The following ANKRD36 variants were observed in gnomAD, a reference collection of about 807,000 sequenced individuals.
The protein encoded by ANKRD36 is ankyrin repeat domain 36.
ANKRD36 carries 179 observed loss-of-function variants against 278.1 expected under a neutral mutation model. The ratio of observed to expected loss-of-function variants is 0.64; its 90% CI spans 0.57 to 0.73. The LOEUF is 0.73. Ranked by LOEUF, ANKRD36 falls within the 30% of genes least tolerant of loss-of-function variation. The pLI, the probability that ANKRD36 is intolerant of heterozygous loss-of-function variation, is 0.00. For missense variants in ANKRD36, 1,159 were observed against 1,956.7 expected (o/e 0.59, Z 7.69); for synonymous variants, 320 against 641.1 (o/e 0.50, Z 7.57).
chr2:97,120,866 C>G (rs979264979), intron 3 of ANKRD36, among the ~76,000 whole-genome samples: 1 of 152,066 alleles, frequency 6.6e-6, no homozygotes, highest in African/African-American at 2.4e-5. Context: ...TTAGGAGACT[C>G]GTGCACAGAT....
Position 97,233,793 on chromosome 2 carries a change from T to G in ANKRD36, c.4015T>G (p.Ser1339Ala), listed in dbSNP as rs1159083939. Reference protein sequence around the residue: ...DDIIQSSQTVSEDGDSLCCNC... With the variant: ...DDIIQSSQTVAEDGDSLCCNC... ...CATAATTCAGTCATCTCAAACAGTC[T>G]CAGAGGACGGTGACTCGCTTTGCTG... Residue 1339 changes from serine (S) to alanine (A), a missense_variant, in exon 68 of 76, where the codon TCA becomes GCA. Ser to Ala is a moderately conservative substitution (Grantham distance 99). Transcript: ENST00000420699. The G allele has an allele frequency of 6.7e-7, 1 of 1,487,010 alleles. No homozygotes were observed. The allele number at this position is 1,487,010 out of a possible 1,614,324, so 92.1% of individuals were successfully genotyped here. A position where few individuals can be genotyped will look rare whatever the true frequency, so the allele number is the denominator to read the frequency against.
chr2:97,150,236 A>T (rs1041457399), intron 12 of ANKRD36, among the ~76,000 whole-genome samples: 1 of 151,896 alleles, frequency 6.6e-6, no homozygotes, highest in Non-Finnish European at 1.5e-5. Flanking sequence ...TTTTATGGTC[A>T]GACTTTAATT....
At chr2:97,211,814 G>A (rs2064721535) in intron 58 of ANKRD36, 73 bp downstream of exon 58, 2 of 1,473,430 alleles carry the variant, frequency 1.4e-6, no homozygotes, top group Non-Finnish European at 1.8e-6. Context: ...AAATAAAACA[G>A]CGGGGGGTTC....
chr2:97,113,845 A>C lies in ANKRD36; in HGVS notation c.106A>C (p.Ile36Leu). Reference sequence around the variant, plus strand: ...CATTAAACCGTATCATCTGAAGAGGATCCACAGAGCTGTCTTACATGGTAA... The same window carrying C: ...CATTAAACCGTATCATCTGAAGAGGCTCCACAGAGCTGTCTTACATGGTAA... ...YPIKPYHLKR[I>L]HRAVLHGNLE... is the part of the protein sequence containing the mutation. Residue 36 changes from isoleucine to leucine, a missense_variant, in exon 1 of 76, where the codon ATC becomes CTC. By Grantham distance (5) the Ile-to-Leu change is conservative. Transcript: ENST00000420699. 6.2e-7 allele frequency: 1 copy of C among 1,612,988 alleles called. No homozygotes were observed. The highest frequency in any genetic ancestry group is 8.5e-7 in the Non-Finnish European group (1 of 1,179,958).
chr2:97,158,548 A>G (rs1305046221), intron 16 of ANKRD36, 40 bp from the exon 17 acceptor site: 2 of 1,527,010 alleles, frequency 1.3e-6, no homozygotes, highest in South Asian at 2.4e-5. Context: ...ATTCTTAATT[A>G]CATGCATTTC....
chr2:97,201,786 G>A (rs1392278831), intron 46 of ANKRD36, among the ~76,000 whole-genome samples: 1 of 152,028 alleles, frequency 6.6e-6, no homozygotes, highest in South Asian at 2.1e-4. Context: ...CATGATGAAT[G>A]TTTGTAGTAT....
At position 97,191,199 on chromosome 2, in the gene ANKRD36, A is replaced by G. The variant is rs750350656; in HGVS notation, c.2347+18A>G. On this transcript the variant is annotated intron_variant, in intron 36 of 75. Transcript: ENST00000420699. ...TGGGACAGGTAATTTTGCAAAAGAC[A>G]TTTAATGTCATATTCAGTCCAGATA... 5.7e-6 allele frequency: 9 copies of G among 1,571,278 alleles called. No homozygotes were observed. Among genetic ancestry groups the G allele is most frequent in the African/African-American group, 5.5e-5 (4 of 73,334 alleles).
Position 97,183,667 on chromosome 2 carries a change from T to C in ANKRD36, c.1939+13T>C. ...AAATCTGGAACAGGTAATTTGGCAA[T>C]ACACATTTAATGTCATGTGCACTCA... On this transcript the variant is annotated intron_variant, in intron 28 of 75. Transcript: ENST00000420699. 4.5e-6 allele frequency: 7 copies of C among 1,565,602 alleles called. No homozygotes were observed. Among genetic ancestry groups the C allele is most frequent in the Non-Finnish European group, 6.1e-6 (7 of 1,155,154 alleles).
At chr2:97,211,164 T>C (rs2064442403) in intron 56 of ANKRD36, among the ~76,000 whole-genome samples, 1 of 151,894 alleles carries the variant, frequency 6.6e-6, no homozygotes, top group Non-Finnish European at 1.5e-5. Context: ...CCTTTTGATT[T>C]GTTGCATGAA....
intron 60 of ANKRD36, among the ~76,000 whole-genome samples, chr2:97,214,008 C>G (rs1351731171): frequency 6.6e-6 from 1 of 151,636 alleles, no homozygotes; most frequent in Non-Finnish European, 1.5e-5. Flanking sequence ...TCCTAATAAC[C>G]TGTAGACGCT....
At chr2:97,135,916 T>A (rs1423360559) in intron 6 of ANKRD36, among the ~76,000 whole-genome samples, 1 of 151,864 alleles carries the variant, frequency 6.6e-6, no homozygotes, top group Non-Finnish European at 1.5e-5. Flanking sequence ...TATTATGAAA[T>A]ATATATTTGG....
At chr2:97,164,038 A>T (rs1270951818) in intron 18 of ANKRD36, 1 of 985,184 alleles carries the variant, frequency 1.0e-6, no homozygotes, top group African/African-American at 1.7e-5. Flanking sequence ...TAGTCATGTG[A>T]AACCTAATCT....
At chr2:97,155,966 T>G (rs1185411997) in intron 15 of ANKRD36, among the ~76,000 whole-genome samples, 2 of 146,250 alleles carry the variant, frequency 1.4e-5, no homozygotes, top group Non-Finnish European at 3.1e-5. Context: ...TTAAATGTCT[T>G]GAATGTTCTG....
intron 67 of ANKRD36, among the ~76,000 whole-genome samples, chr2:97,227,979 A>G (rs1260527871): frequency 6.6e-6 from 1 of 152,118 alleles, no homozygotes; most frequent in African/African-American, 2.4e-5. Flanking sequence ...CATCCCAGGG[A>G]TGAAGCCCAC....
At position 97,142,784 on chromosome 2, in the gene ANKRD36, T is replaced by A. The variant is rs779570197; in HGVS notation, c.850T>A (p.Ser284Thr). ...ALKATSGKED[S>T]ISNIATEIKD... is the part of the protein sequence containing the mutation. Reference sequence around the variant, plus strand: ...TCAGGCTACAAGTGGCAAGGAAGATTCTATTTCAAATATAGCCACAGAAAT... The same window carrying A: ...TCAGGCTACAAGTGGCAAGGAAGATACTATTTCAAATATAGCCACAGAAAT... Residue 284 changes from serine to threonine, a missense_variant, in exon 8 of 76, where the codon TCT becomes ACT. Physicochemically the swap from Ser to Thr is moderately conservative, Grantham distance 58. Transcript: ENST00000420699. 2 of 1,575,040 alleles carry A rather than the reference T, an allele frequency of 1.3e-6. No individual in the cohort carries two copies. The highest frequency in any genetic ancestry group is 4.6e-5 in the East Asian group (2 of 43,176).
At chr2:97,224,775 C>T in intron 66 of ANKRD36, 31 bp from the exon 67 acceptor site, 1 of 1,056,024 alleles carries the variant, frequency 9.5e-7, no homozygotes, top group Non-Finnish European at 1.3e-6. Context: ...TTCTGTGTAG[C>T]TCATTTTAAC....
At chr2:97,169,990 G>T (rs905955408) in intron 22 of ANKRD36, among the ~76,000 whole-genome samples, 3 of 151,904 alleles carry the variant, frequency 2.0e-5, no homozygotes, top group Non-Finnish European at 4.4e-5. Context: ...AAAAAGAACA[G>T]AGCTGGAGGC....
At chr2:97,226,111 A>G (rs1167590974) in intron 67 of ANKRD36, among the ~76,000 whole-genome samples, 1 of 151,686 alleles carries the variant, frequency 6.6e-6, no homozygotes. Flanking sequence ...TTATAGCAGC[A>G]TGATTTATAG....
intron 22 of ANKRD36, among the ~76,000 whole-genome samples, chr2:97,178,281 T>G (rs1160085966): frequency 4.6e-5 from 7 of 151,914 alleles, no homozygotes; most frequent in Admixed American, 6.6e-5. Context: ...GATTCCTCAG[T>G]GATCTAGAAG....
Sources: gnomAD v4.1 joint callset for allele counts (sites outside exome capture counted in the v4.1 genomes callset) on GRCh38, gnomAD v4.1.1 for gene constraint, MANE v1.5 for transcripts, NCBI Gene and HGNC (gene_info 2026-07-23, HGNC 2026-07-21) for gene names.